RSRC1: variants seen among roughly 807,000 people sequenced by gnomAD.
RSRC1 encodes arginine and serine rich coiled-coil 1.
A neutral mutation model predicts 49.1 loss-of-function variants in RSRC1; 39 were observed. The ratio of observed to expected loss-of-function variants is 0.79; its 90% CI spans 0.61 to 1.04. The LOEUF (loss-of-function observed/expected upper bound fraction) is 1.04. Ranked by LOEUF, RSRC1 falls within the 50% of genes least tolerant of loss-of-function variation. The pLI is 0.00. For synonymous variants in RSRC1, 143 were observed against 130.8 expected (o/e 1.09, Z -0.63); for missense variants, 388 against 402.4 (o/e 0.96, Z 0.31).
At chr3:158,538,673 A>T (rs1712858979) in intron 8 of RSRC1, among the ~76,000 whole-genome samples, 1 of 151,940 alleles carries the variant, frequency 6.6e-6, no homozygotes, top group Non-Finnish European at 1.5e-5. Flanking sequence ...TTTCCCTTTA[A>T]ACTTATTTTC....
intron 3 of RSRC1, among the ~76,000 whole-genome samples, chr3:158,188,187 T>C (rs1720034657): frequency 6.6e-6 from 1 of 151,914 alleles, no homozygotes; most frequent in South Asian, 2.1e-4. Context: ...GGGAACTCTT[T>C]CTCCCCCTGT....
chr3:158,360,929 C>T (rs182121587), intron 6 of RSRC1, among the ~76,000 whole-genome samples: 20 of 152,308 alleles, frequency 1.3e-4, no homozygotes, highest in South Asian at 4.1e-4. Context: ...GCCCCAGCTG[C>T]GCCCCCTCAC....
chr3:158,505,077 C>A (rs547938101), intron 7 of RSRC1, among the ~76,000 whole-genome samples: 143 of 152,290 alleles, frequency 9.4e-4, no homozygotes, highest in Admixed American at 2.4e-3. Flanking sequence ...ATAAACTTAA[C>A]AGTTGTTCAT....
chr3:158,316,364 T>A (rs1728443192), intron 5 of RSRC1, among the ~76,000 whole-genome samples: 1 of 151,544 alleles, frequency 6.6e-6, no homozygotes, highest in Non-Finnish European at 1.5e-5. Flanking sequence ...TATGTGTACT[T>A]CCCTACTCTG....
At chr3:158,197,830 C>A (rs1228171447) in intron 3 of RSRC1, among the ~76,000 whole-genome samples, 3 of 152,012 alleles carry the variant, frequency 2.0e-5, no homozygotes, top group South Asian at 4.2e-4. Context: ...CGTCAGTTCT[C>A]GTTTGATTGC....
chr3:158,541,944 TAC>T (rs1034243409), intron 8 of RSRC1, among the ~76,000 whole-genome samples: 3 of 152,288 alleles, frequency 2.0e-5, no homozygotes, highest in African/African-American at 7.2e-5. Flanking sequence ...CAGCACTTGG[TAC>T]AGTGTATCGC....
intron 3 of RSRC1, among the ~76,000 whole-genome samples, chr3:158,199,911 G>A (rs1720930400): frequency 6.6e-6 from 1 of 152,026 alleles, no homozygotes; most frequent in Admixed American, 6.6e-5. Context: ...TGACCCTTTT[G>A]ATCATCATGA....
At chr3:158,329,704 C>G (rs565339060) in intron 5 of RSRC1, among the ~76,000 whole-genome samples, 41 of 152,302 alleles carry the variant, frequency 2.7e-4, no homozygotes, top group African/African-American at 9.4e-4. Context: ...TTGAGACAGT[C>G]TGAACATTCT....
chr3:158,240,824 C>T (rs1210755930), intron 4 of RSRC1, among the ~76,000 whole-genome samples: 1 of 152,116 alleles, frequency 6.6e-6, no homozygotes, highest in African/African-American at 2.4e-5. Context: ...TATGTGCTAC[C>T]AGCCTGTTAG....
intron 5 of RSRC1, among the ~76,000 whole-genome samples, chr3:158,337,107 G>A (rs1003845247): frequency 2.0e-5 from 3 of 152,200 alleles, no homozygotes; most frequent in Non-Finnish European, 4.4e-5. Flanking sequence ...CCTCACCAAT[G>A]CTGCTCTTAT....
intron 3 of RSRC1, among the ~76,000 whole-genome samples, chr3:158,174,824 T>A (rs1268374818): frequency 3.3e-5 from 5 of 152,114 alleles, no homozygotes; most frequent in Non-Finnish European, 7.4e-5. Context: ...TTTTGCTACA[T>A]GTCTCCTTTG....
In RSRC1 at chr3:158,359,076, A is replaced by G. The variant is rs183844857; in HGVS notation, c.583+4168A>G. ...TTGGAGGTTTTTTAGGTGTATACCT[A>G]GGAGGGTGATAGTGGGGTCATTTGG... On this transcript the variant is annotated intron_variant, in intron 6 of 9. Transcript: ENST00000611884. Among the ~76,000 whole-genome samples the G allele has an allele frequency of 2.7e-4, 41 of 152,238 alleles. 1 individual carries two copies. The highest frequency in any genetic ancestry group is 1.6e-3 in the Admixed American group (25 of 15,290).
At chr3:158,453,711 C>A (rs966624710) in intron 6 of RSRC1, among the ~76,000 whole-genome samples, 1 of 151,994 alleles carries the variant, frequency 6.6e-6, no homozygotes, top group Admixed American at 6.6e-5. Context: ...TTTTCGGGTT[C>A]TCTTCTTCTT....
chr3:158,446,864 A>C (rs533059132), intron 6 of RSRC1, among the ~76,000 whole-genome samples: 2 of 152,052 alleles, frequency 1.3e-5, no homozygotes, highest in Admixed American at 1.3e-4. Flanking sequence ...TAAATGCAAC[A>C]GTTTCATTAT....
At chr3:158,486,687 A>G (rs1448421578) in intron 7 of RSRC1, among the ~76,000 whole-genome samples, 1 of 152,122 alleles carries the variant, frequency 6.6e-6, no homozygotes, top group Non-Finnish European at 1.5e-5. Context: ...TTTTAAGTTT[A>G]TATTAAATGC....
intron 4 of RSRC1, among the ~76,000 whole-genome samples, chr3:158,229,344 G>GTA (rs749601592): frequency 1.2e-4 from 18 of 145,340 alleles, no homozygotes; most frequent in African/African-American, 3.3e-4. Flanking sequence ...GTGTATGTAT[G>GTA]TATATATATA....
chr3:158,408,266 G>A (rs1360545930), intron 6 of RSRC1, among the ~76,000 whole-genome samples: 1 of 152,104 alleles, frequency 6.6e-6, no homozygotes, highest in Non-Finnish European at 1.5e-5. Context: ...GAGAGTTTTA[G>A]TCACCAGAGA....
chr3:158,136,946 T>G (rs1355920150), intron 3 of RSRC1: 1 of 152,192 alleles, frequency 6.6e-6, no homozygotes, highest in African/African-American at 2.4e-5. Context: ...TGCTCTGTTC[T>G]TGTAAGGACA....
chr3:158,510,215 G>A (rs568903066), intron 7 of RSRC1, among the ~76,000 whole-genome samples: 22 of 152,196 alleles, frequency 1.4e-4, no homozygotes, highest in South Asian at 2.1e-4. Flanking sequence ...GGGCTTGAGC[G>A]TCTTCTCATG....
Sources: allele counts gnomAD v4.1 joint callset (sites outside exome capture counted in the v4.1 genomes callset), GRCh38; gene constraint gnomAD v4.1.1; transcripts MANE v1.5; gene names NCBI Gene and HGNC (gene_info 2026-07-23, HGNC 2026-07-21).